UBR2: variants seen among roughly 807,000 people sequenced by gnomAD.
UBR2 encodes E3 ubiquitin-protein ligase UBR2.
Under a neutral mutation model 247.9 loss-of-function variants are expected in UBR2, and 92 were observed. The observed-to-expected ratio is 0.37, with a 90% CI of 0.31 to 0.44. The LOEUF is 0.44. Among genes scored for constraint, UBR2 ranks in the 20% least tolerant of loss-of-function variants. The pLI is 1.00. For synonymous variants in UBR2, 672 were observed against 693.5 expected, an observed-to-expected ratio of 0.97 and a Z score of 0.49; for missense variants, 1,613 against 2,112.6, an observed-to-expected ratio of 0.76 and a Z score of 4.64.
At chr6:42,571,736 C>CAAAAA (rs55993422) in intron 1 of UBR2, among the ~76,000 whole-genome samples, 2 of 82,148 alleles carry the variant, frequency 2.4e-5, no homozygotes, top group African/African-American at 4.7e-5. Flanking sequence ...GCACGAGACT[C>CAAAAA]AAAAAAAAAA....
At chr6:42,670,019 C>G (rs1582698298) in intron 34 of UBR2, 73 bp from the exon 35 acceptor site, 1 of 1,528,912 alleles carries the variant, frequency 6.5e-7, no homozygotes, top group African/African-American at 1.4e-5. Context: ...TAGCAAAGAG[C>G]TGTTAAGAAA....
intron 36 of UBR2, among the ~76,000 whole-genome samples, chr6:42,671,072 C>T (rs928622384): frequency 1.1e-4 from 16 of 151,700 alleles, no homozygotes; most frequent in African/African-American, 3.4e-4. Context: ...ATAGTCCCAG[C>T]TACTCAGGAG....
At chr6:42,676,741 T>C in intron 39 of UBR2, 42 bp from the exon 40 acceptor site, 4 of 1,486,560 alleles carry the variant, frequency 2.7e-6, no homozygotes, top group Non-Finnish European at 3.8e-6. Context: ...TGATAACACT[T>C]AATTGGAAAA....
chr6:42,629,419 C>T (rs778226651), intron 11 of UBR2, among the ~76,000 whole-genome samples: 3 of 149,650 alleles, frequency 2.0e-5, no homozygotes, highest in South Asian at 2.1e-4. Flanking sequence ...TTTGGGAGGC[C>T]GAGGCAGGCA....
intron 2 of UBR2, among the ~76,000 whole-genome samples, chr6:42,585,946 C>G (rs905851879): frequency 6.6e-6 from 1 of 151,876 alleles, no homozygotes; most frequent in African/African-American, 2.4e-5. Flanking sequence ...TTTTTTGACC[C>G]ACAGGTTATT....
rs560909187 is a variant in UBR2, at chr6:42,635,559, T to C, written c.1674+13T>C. 1 of 1,600,816 alleles carries C rather than the reference T, an allele frequency of 6.2e-7. No homozygotes were observed. Among genetic ancestry groups the C allele is most frequent in the Admixed American group, 1.7e-5 (1 of 59,866 alleles). ...GTGTGCTTCAGATGTGAGTTTCTTCTGGGTGCGGGGAATAGGAGGAAAGTG... is the reference window on the plus strand; with the variant it reads ...GTGTGCTTCAGATGTGAGTTTCTTCCGGGTGCGGGGAATAGGAGGAAAGTG... On this transcript the variant is annotated intron_variant, in intron 14 of 46. Coordinates refer to ENST00000372901, the MANE Select transcript of UBR2 (RefSeq NM_001363705.2).
At chr6:42,680,894 G>A (rs763590321) in intron 42 of UBR2, among the ~76,000 whole-genome samples, 2 of 151,568 alleles carry the variant, frequency 1.3e-5, no homozygotes, top group Non-Finnish European at 2.9e-5. Flanking sequence ...GGGGCGCGGT[G>A]GCTCACGCCT....
chr6:42,673,896 T>G lies in UBR2; in HGVS notation c.4183+9T>G, dbSNP rs1288846144. ...TTGTAAACTTTTTGCATGTGAGTATTAATACATTTATAACATGTTGTAATT... is the reference window on the plus strand; with the variant it reads ...TTGTAAACTTTTTGCATGTGAGTATGAATACATTTATAACATGTTGTAATT... On this transcript the variant is annotated intron_variant, in intron 37 of 46. Coordinates refer to ENST00000372901, the MANE Select transcript of UBR2 (RefSeq NM_001363705.2). 1.3e-6 allele frequency: 2 copies of G among 1,597,456 alleles called. No homozygotes were observed. Among genetic ancestry groups the G allele is most frequent in the Middle Eastern group, 1.7e-4 (1 of 5,994 alleles).
At chr6:42,583,924 G>C (rs915319734) in intron 2 of UBR2, among the ~76,000 whole-genome samples, 1 of 151,450 alleles carries the variant, frequency 6.6e-6, no homozygotes, top group Non-Finnish European at 1.5e-5. Context: ...TGAGGTAGAG[G>C]TTAAGTTTCA....
At chr6:42,564,443 C>T (rs1328085279) in intron 1 of UBR2, 46 bp downstream of exon 1, 1 of 1,581,548 alleles carries the variant, frequency 6.3e-7, no homozygotes, top group Non-Finnish European at 8.6e-7. Flanking sequence ...TCGCAGGCCG[C>T]GCCTGTGGGG....
chr6:42,674,946 T>C (rs1312663469), intron 38 of UBR2, among the ~76,000 whole-genome samples: 1 of 152,124 alleles, frequency 6.6e-6, no homozygotes, highest in Non-Finnish European at 1.5e-5. Flanking sequence ...GCTGTCCAAA[T>C]AGTGGGTAGC....
At chr6:42,648,065 G>C in intron 21 of UBR2, 53 bp from the exon 22 acceptor site, 1 of 1,439,670 alleles carries the variant, frequency 6.9e-7, no homozygotes, top group Non-Finnish European at 9.8e-7. Context: ...ACAATGCTAA[G>C]AGTGCTAGTA....
At chr6:42,657,939 C>T (rs1483564371) in intron 26 of UBR2, 85 bp from the exon 27 acceptor site, 5 of 967,038 alleles carry the variant, frequency 5.2e-6, no homozygotes, top group Non-Finnish European at 7.9e-6. Flanking sequence ...GTGTTATAAG[C>T]AACTGCATTT....
At chr6:42,589,065 T>G (rs1297875118) in intron 2 of UBR2, among the ~76,000 whole-genome samples, 1 of 152,144 alleles carries the variant, frequency 6.6e-6, no homozygotes, top group Non-Finnish European at 1.5e-5. Context: ...ACAGCAGTCT[T>G]AAACACCTGG....
At chr6:42,605,632 T>G (rs1436654005) in intron 5 of UBR2, 89 bp from the exon 6 acceptor site, 1 of 1,214,348 alleles carries the variant, frequency 8.2e-7, no homozygotes. Context: ...CCTAGCACAT[T>G]GCATAGGACA....
intron 34 of UBR2, among the ~76,000 whole-genome samples, chr6:42,667,790 C>T (rs1180069501): frequency 2.9e-5 from 4 of 136,012 alleles, no homozygotes; most frequent in Admixed American, 7.9e-5. Context: ...GACAGAGTCT[C>T]ACTCTGTCAC....
chr6:42,597,989 A>G (rs1374026723), intron 4 of UBR2, among the ~76,000 whole-genome samples: 2 of 152,108 alleles, frequency 1.3e-5, no homozygotes, highest in Non-Finnish European at 2.9e-5. Context: ...ACCTGTTCCC[A>G]GTAACTGTTG....
At chr6:42,598,095 C>G (rs1793111799) in intron 4 of UBR2, among the ~76,000 whole-genome samples, 1 of 152,014 alleles carries the variant, frequency 6.6e-6, no homozygotes, top group South Asian at 2.1e-4. Context: ...TTCCACAGGT[C>G]TTCTCATCTC....
chr6:42,666,023 G>T (rs1415151858), intron 33 of UBR2, 144 bp from the exon 34 acceptor site: 4 of 611,848 alleles, frequency 6.5e-6, no homozygotes, highest in Non-Finnish European at 1.1e-5. Context: ...GAGCAATAAC[G>T]TTTTCATGCT....
Sources: allele counts gnomAD v4.1 joint callset (sites outside exome capture counted in the v4.1 genomes callset), GRCh38; gene constraint gnomAD v4.1.1; transcripts MANE v1.5; gene names NCBI Gene and HGNC (gene_info 2026-07-23, HGNC 2026-07-21).